STK25: variants seen among roughly 807,000 people sequenced by gnomAD.
STK25 encodes serine/threonine-protein kinase 25.
Under a neutral mutation model 53.8 loss-of-function variants are expected in STK25, and 29 were observed. That is an observed-to-expected ratio of 0.54 (90% CI 0.40 to 0.74). The LOEUF is 0.74. Among genes scored for constraint, STK25 ranks in the 30% least tolerant of loss-of-function variants. The pLI, the probability that STK25 is intolerant of heterozygous loss-of-function variation, is 0.00. For synonymous variants in STK25, 247 were observed against 238.3 expected, an observed-to-expected ratio of 1.04 and a Z score of -0.33; for missense variants, 420 against 568.0, an observed-to-expected ratio of 0.74 and a Z score of 2.65.
intron 3 of STK25, 130 bp from the exon 4 acceptor site, chr2:241,500,926 AGGAAAGGGCTCTCTC>A: frequency 1.2e-6 from 1 of 819,000 alleles, no homozygotes; most frequent in Non-Finnish European, 2.0e-6. Context: ...AACCCTGAAC[AGGAAAGGGCTCTCTC>A]GGCCTTGCCC....
intron 2 of STK25, 38 bp downstream of exon 2, chr2:241,507,968 G>T (rs778078197): frequency 5.2e-6 from 8 of 1,551,754 alleles, no homozygotes; most frequent in Non-Finnish European, 7.0e-6. Flanking sequence ...GCCCCTCGGT[G>T]AGAGGCCGCT....
Position 241,501,050 on chromosome 2 carries a change from A to C in STK25, c.262-254T>G, listed in dbSNP as rs1417232141. On this transcript the variant is annotated intron_variant, in intron 3 of 11. Coordinates refer to ENST00000316586, the MANE Select transcript of STK25 (RefSeq NM_001271977.2). This position sits in a 1 kb window ranked among gnomAD's most constrained non-coding sequence, Gnocchi z 5.3. ...CCACTTCACCAAGACCCCATCAAAAACCAGGCTGCTGATCCAGTCCTACAG... is the reference window on the plus strand; with the variant it reads ...CCACTTCACCAAGACCCCATCAAAACCCAGGCTGCTGATCCAGTCCTACAG... 1.0e-5 allele frequency: 6 copies of C among 577,762 alleles called. No homozygotes were observed. The highest frequency in any genetic ancestry group is 1.9e-5 in the Non-Finnish European group (6 of 323,886). The allele number at this position is 577,762 out of a possible 1,614,324, so 35.8% of individuals were successfully genotyped here.
Position 241,501,747 on chromosome 2 carries a change from G to T in STK25, c.31-39C>A. On this transcript the variant is annotated intron_variant, in intron 2 of 11. Coordinates refer to ENST00000316586, the MANE Select transcript of STK25 (RefSeq NM_001271977.2). The surrounding 1 kb of genome is among the most constrained non-coding windows in gnomAD (Gnocchi z 5.3). ...GCGGGGACAGAGGGCAGACAGCGCCGGTCACAAGAGGCGGGGGACAGGCAG... is the reference window on the plus strand; with the variant it reads ...GCGGGGACAGAGGGCAGACAGCGCCTGTCACAAGAGGCGGGGGACAGGCAG... 6.6e-7 allele frequency: 1 copy of T among 1,522,832 alleles called. No individual in the cohort carries two copies. The highest frequency in any genetic ancestry group is 1.1e-5 in the South Asian group (1 of 87,296). 94.3% of individuals were successfully genotyped at this position (1,522,832 alleles called of 1,614,324 possible).
chr2:241,505,541 G>T (rs2065772927), intron 2 of STK25, among the ~76,000 whole-genome samples: 1 of 152,192 alleles, frequency 6.6e-6, no homozygotes, highest in Non-Finnish European at 1.5e-5. Context: ...CTCCCGCCCT[G>T]CTCTACTCCC....
At position 241,493,538 on chromosome 2, in the gene STK25, GC is replaced by G; in HGVS notation, c.*2123del. 1 of 1,177,752 alleles carries G rather than the reference GC, an allele frequency of 8.5e-7. No homozygotes were observed. The highest frequency in any genetic ancestry group is 1.3e-6 in the Non-Finnish European group (1 of 798,936). The allele number at this position is 1,177,752 out of a possible 1,614,324, so 73.0% of individuals were successfully genotyped here. On this transcript the variant is annotated 3_prime_UTR_variant, in exon 12 of 12. Transcript: ENST00000316586. ...ATGGTGGTGGAGGCAAGTTTTCTGGGCCCTGGAAAGGAAGGGCTGAGCAATG... is the reference window on the plus strand; with the variant it reads ...ATGGTGGTGGAGGCAAGTTTTCTGGGCCTGGAAAGGAAGGGCTGAGCAATG...
chr2:241,501,232 G>A lies in STK25; in HGVS notation c.261+246C>T, dbSNP rs531735618. The A allele has an allele frequency of 5.1e-6, 3 of 584,264 alleles. No individual in the cohort carries two copies. The highest frequency in any genetic ancestry group is 2.8e-5 in the Admixed American group (1 of 35,782). The allele number at this position is 584,264 out of a possible 1,614,324, so 36.2% of individuals were successfully genotyped here. A position where few individuals can be genotyped will look rare whatever the true frequency, so the allele number is the denominator to read the frequency against. On this transcript the variant is annotated intron_variant, in intron 3 of 11. Transcript: ENST00000316586. The surrounding 1 kb of genome is among the most constrained non-coding windows in gnomAD (Gnocchi z 5.3). ...CACCACTGCCAGTAGGGGCCCCCCA[G>A]AGTGCTCCTAGCAGCGCCCTCACTG...
chr2:241,507,964 CG>C, intron 2 of STK25, 41 bp downstream of exon 2: 1 of 1,542,120 alleles, frequency 6.5e-7, no homozygotes, highest in African/African-American at 1.4e-5. Flanking sequence ...TGGAGCCCCT[CG>C]GTGAGAGGCC....
chr2:241,504,805 C>G (rs527514751), intron 2 of STK25, among the ~76,000 whole-genome samples: 1 of 152,306 alleles, frequency 6.6e-6, no homozygotes, highest in African/African-American at 2.4e-5. Context: ...CCATAGAGAG[C>G]ATCATCTCCG....
chr2:241,500,751 C>T lies in STK25; in HGVS notation c.307G>A (p.Ala103Thr), dbSNP rs1053822328. 4.3e-6 allele frequency: 7 copies of T among 1,613,878 alleles called. No individual in the cohort carries two copies. In the East Asian group the frequency reaches 1.1e-4, roughly 26 times the overall value. The change falls in exon 4 of 12, where the codon GCA becomes ACA. Residue 103 changes from alanine (A) to threonine (T), a missense_variant. Transcript: ENST00000316586. The part of the protein sequence containing the change: ...IIMEYLGGGS[A>T]LDLLKPGPLE... The stretch of plus-strand genomic sequence containing the variant: ...GGCCTATGCCTCACCAAGTCCAGTG[C>T]TGAGCCGCCGCCCAGGTACTCCATG...
rs554795021 is a variant in STK25, at chr2:241,495,956, G to C, written c.1242-255C>G. Among the ~76,000 whole-genome samples the C allele has an allele frequency of 3.3e-5, 5 of 152,372 alleles. No homozygotes were observed. In the East Asian group the frequency reaches 9.7e-4, roughly 29 times the overall value. On this transcript the variant is annotated intron_variant, in intron 11 of 11. Transcript: ENST00000316586. ...ACTTGGCGCATCTGCCGGCGGCATG[G>C]CGGTTGGACCCTAAGTCCGTTGGGC...
chr2:241,505,097 TG>T (rs1186021829), intron 2 of STK25, among the ~76,000 whole-genome samples: 13 of 141,278 alleles, frequency 9.2e-5, no homozygotes, highest in East Asian at 8.0e-4. Context: ...TTTTTTTTTT[TG>T]AATTTTTGTA....
At chr2:241,506,073 C>T (rs2065806011) in intron 2 of STK25, among the ~76,000 whole-genome samples, 1 of 152,260 alleles carries the variant, frequency 6.6e-6, no homozygotes. Flanking sequence ...TGGCACCCCA[C>T]AGCCATTCGG....
In STK25 at chr2:241,494,042, G is replaced by A; in HGVS notation, c.*1620C>T. 1 of 1,415,090 alleles carries A rather than the reference G, an allele frequency of 7.1e-7. No homozygotes were observed. The highest frequency in any genetic ancestry group is 9.2e-7 in the Non-Finnish European group (1 of 1,083,622). 87.7% of individuals were successfully genotyped at this position (1,415,090 alleles called of 1,614,324 possible). A position where few individuals can be genotyped will look rare whatever the true frequency, so the allele number is the denominator to read the frequency against. On this transcript the variant is annotated 3_prime_UTR_variant, in exon 12 of 12. Coordinates refer to ENST00000316586, the MANE Select transcript of STK25 (RefSeq NM_001271977.2). This position sits in a 1 kb window ranked among gnomAD's most constrained non-coding sequence, Gnocchi z 4.9. The stretch of plus-strand genomic sequence containing the variant: ...GGTGATCCAGGGGGCCAGCAGCTCA[G>A]CCGGGAGGGCCCCAAGCATCGTGCA...
At chr2:241,506,273 C>T (rs181736926) in intron 2 of STK25, among the ~76,000 whole-genome samples, 3 of 152,340 alleles carry the variant, frequency 2.0e-5, no homozygotes, top group Admixed American at 1.3e-4. Context: ...GAAGTCAAGT[C>T]TCTCATCATC....
At chr2:241,505,930 C>T (rs1284772850) in intron 2 of STK25, among the ~76,000 whole-genome samples, 1 of 152,218 alleles carries the variant, frequency 6.6e-6, no homozygotes, top group African/African-American at 2.4e-5. Flanking sequence ...GAGCGGTGGA[C>T]ACCTGTTCTC....
intron 2 of STK25, among the ~76,000 whole-genome samples, chr2:241,506,615 A>G (rs1218071585): frequency 1.3e-5 from 2 of 152,120 alleles, no homozygotes; most frequent in African/African-American, 4.8e-5. Flanking sequence ...TAAAAATACA[A>G]AATTAGCTGG....
At chr2:241,506,622 C>T (rs1209898887) in intron 2 of STK25, among the ~76,000 whole-genome samples, 1 of 152,158 alleles carries the variant, frequency 6.6e-6, no homozygotes, top group Non-Finnish European at 1.5e-5. Context: ...ACAAAATTAG[C>T]TGGGCATGGT....
At chr2:241,503,347 G>A (rs1426576469) in intron 2 of STK25, among the ~76,000 whole-genome samples, 1 of 151,976 alleles carries the variant, frequency 6.6e-6, no homozygotes, top group African/African-American at 2.4e-5. Flanking sequence ...TTACAGGCGT[G>A]AGCCACCACG....
In STK25 at chr2:241,498,770, C is replaced by T. The variant is rs2065331198; in HGVS notation, c.786G>A (p.Lys262=). The T allele has an allele frequency of 6.8e-6, 11 of 1,614,084 alleles. No individual in the cohort carries two copies. The highest frequency in any genetic ancestry group is 9.3e-6 in the Non-Finnish European group (11 of 1,179,998). The change falls in exon 8 of 12, where the codon AAG becomes AAA. Residue 262 remains lysine (K), a synonymous_variant. Coordinates refer to ENST00000316586, the MANE Select transcript of STK25 (RefSeq NM_001271977.2). The stretch of plus-strand genomic sequence containing the variant: ...TGATGAACTTGTGCTTCAGGAGCTC[C>T]TTGGCCGTGGGCCGCTGCAGGGGGT... ...NKDPRFRPTA[K]ELLKHKFITR...
Sources: allele counts gnomAD v4.1 joint callset (sites outside exome capture counted in the v4.1 genomes callset), GRCh38; gene constraint gnomAD v4.1.1; non-coding constraint Gnocchi (gnomAD v3.1); transcripts MANE v1.5; gene names NCBI Gene and HGNC (gene_info 2026-07-23, HGNC 2026-07-21).